Variants in DNAH8 observed in about 807,000 individuals in gnomAD.
DNAH8 encodes axonemal beta dynein heavy chain 8.
In DNAH8, 382 loss-of-function variants were observed where a neutral mutation model predicts 562.1. The ratio of observed to expected loss-of-function variants is 0.68; its 90% CI spans 0.63 to 0.74. The LOEUF (loss-of-function observed/expected upper bound fraction) is 0.74, where lower values mean the gene tolerates loss of function less well. Among genes scored for constraint, DNAH8 ranks in the 30% least tolerant of loss-of-function variants. The pLI is 0.00. For missense variants in DNAH8, 5,203 were observed against 5,620.4 expected, an observed-to-expected ratio of 0.93 and a Z score of 2.37; for synonymous variants, 1,881 against 1,919.4, an observed-to-expected ratio of 0.98 and a Z score of 0.52.
At chr6:38,969,196 G>T (rs1332899809) in intron 82 of DNAH8, among the ~76,000 whole-genome samples, 1 of 152,042 alleles carries the variant, frequency 6.6e-6, no homozygotes, top group African/African-American at 2.4e-5. Context: ...TGATAGTAGT[G>T]ATAGTTATGC....
rs547638716 is a variant in DNAH8 at position 38,962,206 on chromosome 6, A to G, written c.12452-9386A>G. On this transcript the variant is annotated intron_variant, in intron 82 of 92. Transcript: ENST00000327475. ...AGAGATTCAATGTTGTAAAGATGTC[A>G]ATATTTCCTAAATTAATCTATAAAT... Among the ~76,000 whole-genome samples the G allele has an allele frequency of 1.1e-4, 17 of 152,220 alleles. No homozygotes were observed. In the South Asian group the frequency reaches 3.1e-3, roughly 28 times the overall value.
rs113624987 is a variant in DNAH8 at position 39,012,386 on chromosome 6, A to G, written c.13524+19A>G. The G allele has an allele frequency of 5.0e-6, 8 of 1,609,072 alleles. 1 individual carries two copies. Among genetic ancestry groups the G allele is most frequent in the African/African-American group, 1.3e-5 (1 of 74,886 alleles). ...GAGTGAGGTGAGCTGTTATTACATC[A>G]GTAGGCATTTCCTTCTTTGTTGATG... is the stretch of plus-strand genomic sequence containing the variant. On this transcript the variant is annotated intron_variant, in intron 90 of 92. Coordinates refer to ENST00000327475, the MANE Select transcript of DNAH8 (RefSeq NM_001206927.2).
At chr6:39,016,554 A>G (rs1275202122) in intron 91 of DNAH8, among the ~76,000 whole-genome samples, 2 of 151,554 alleles carry the variant, frequency 1.3e-5, no homozygotes, top group South Asian at 4.2e-4. Flanking sequence ...CTGTCTCAAA[A>G]AAAAAAAAAA....
rs775392746 is a variant in DNAH8 at position 38,737,191 on chromosome 6, A to G, written c.887A>G (p.Lys296Arg). The G allele has an allele frequency of 4.5e-6, 7 of 1,540,926 alleles. No individual in the cohort carries two copies. The highest frequency in any genetic ancestry group is 2.1e-5 in the Admixed American group (1 of 47,968). ...AACTGGGGTGCTTTAAACCAGTCCA[A>G]GCAGGGAGAATCTGAAAAACATATT... ...TNNWGALNQS[K>R]QGESEKHIFT... Residue 296 changes from lysine to arginine, a missense_variant, in exon 6 of 93, where the codon AAG (lysine) becomes AGG (arginine). Lys to Arg is a conservative substitution (Grantham distance 26, BLOSUM62 2). Coordinates refer to ENST00000327475, the MANE Select transcript of DNAH8 (RefSeq NM_001206927.2).
rs765442782 is a variant in DNAH8, at chr6:38,853,237, T to G, written c.5623T>G (p.Leu1875Val). The G allele has an allele frequency of 3.1e-6, 5 of 1,613,258 alleles. No homozygotes were observed. In the African/African-American group the frequency reaches 6.7e-5, roughly 22 times the overall value. ...KGPVEIWLLD[L>V]LKMQMSSLHN... ...TCCTGTGGAGATTTGGCTACTGGAT[T>G]TGTTAAAAATGCAGATGTCATCATT... The change falls in exon 41 of 93, where the codon TTG (leucine) becomes GTG (valine). Residue 1875 changes from leucine (L) to valine (V), a missense_variant. Around this residue, in one of 6 missense-constraint regions of DNAH8, gnomAD observed 2,176 missense variants for 2,365.1 expected, o/e 0.92. Transcript: ENST00000327475.
chr6:38,883,866 TTC>T lies in DNAH8; in HGVS notation c.8137-4_8137-3del, dbSNP rs1467538722. On this transcript the variant is annotated splice_region_variant and splice_polypyrimidine_tract_variant and intron_variant, in intron 55 of 92. Transcript: ENST00000327475. Reference sequence around the variant, plus strand: ...CTAATGCATAAGACAAAACGTTTCCTTCTCTCTAGAGAACAATTGAAAGCTAC... The same window carrying T: ...CTAATGCATAAGACAAAACGTTTCCTTCTCTAGAGAACAATTGAAAGCTAC... 6.5e-7 allele frequency: 1 copy of T among 1,541,250 alleles called. No homozygotes were observed. The highest frequency in any genetic ancestry group is 8.7e-7 in the Non-Finnish European group (1 of 1,142,962).
intron 26 of DNAH8, among the ~76,000 whole-genome samples, chr6:38,820,863 A>G (rs527875946): frequency 1.1e-4 from 16 of 152,312 alleles, no homozygotes; most frequent in South Asian, 4.1e-4. Context: ...AACTTCTTCA[A>G]CCTTATAAAA....
chr6:38,905,860 T>C (rs189032233), intron 62 of DNAH8, among the ~76,000 whole-genome samples: 9 of 152,236 alleles, frequency 5.9e-5, no homozygotes, highest in Admixed American at 4.6e-4. Context: ...GCTATTATTA[T>C]GTTTTGGGAT....
intron 63 of DNAH8, among the ~76,000 whole-genome samples, chr6:38,907,398 A>G (rs1057396983): frequency 1.3e-5 from 2 of 152,236 alleles, no homozygotes; most frequent in Admixed American, 1.3e-4. Context: ...GAAGGAAAGC[A>G]GATAGATGTT....
At chr6:38,728,335 T>C (rs528780663) in intron 3 of DNAH8, among the ~76,000 whole-genome samples, 38 of 152,316 alleles carry the variant, frequency 2.5e-4, no homozygotes, top group African/African-American at 8.7e-4. Flanking sequence ...CTTTACCTAG[T>C]TGATACTCAG....
chr6:38,875,540 T>G lies in DNAH8; in HGVS notation c.7621-51T>G, dbSNP rs572384787. The stretch of plus-strand genomic sequence containing the variant: ...TAATTTTACTATTATTTACAATTTT[T>G]TATTTTCAAAATTTTAATTTAAAAA... On this transcript the variant is annotated intron_variant, in intron 52 of 92. Transcript: ENST00000327475. 359 of 1,129,642 alleles carry G rather than the reference T, an allele frequency of 3.2e-4. 1 individual carries two copies. In the African/African-American group the frequency reaches 5.1e-3, roughly 16 times the overall value. 70.0% of individuals were successfully genotyped at this position (1,129,642 alleles called of 1,614,324 possible). A position where few individuals can be genotyped will look rare whatever the true frequency, so the allele number is the denominator to read the frequency against.
chr6:38,934,584 T>C lies in DNAH8; in HGVS notation c.11458-1008T>C, dbSNP rs16891274. On this transcript the variant is annotated intron_variant, in intron 76 of 92. Coordinates refer to ENST00000327475, the MANE Select transcript of DNAH8 (RefSeq NM_001206927.2). ...TTAACGTAATTCTAAGTGCAGCATG[T>C]GATTCTGTATAAAATCAGAAGAAAA... is the stretch of plus-strand genomic sequence containing the variant. 9.2e-3 allele frequency among the ~76,000 whole-genome samples: 1,407 copies of C among 152,304 alleles called. 75 individuals carry two copies. In the East Asian group the frequency reaches 0.14, roughly 15 times the overall value.
At chr6:38,835,471 G>C (rs1031628552) in intron 32 of DNAH8, among the ~76,000 whole-genome samples, 3 of 152,218 alleles carry the variant, frequency 2.0e-5, no homozygotes, top group Non-Finnish European at 2.9e-5. Context: ...TGTGACCTAG[G>C]TATGTGAAAT....
intron 43 of DNAH8, 24 bp from the exon 44 acceptor site, chr6:38,862,256 G>T: frequency 6.2e-7 from 1 of 1,603,080 alleles, no homozygotes; most frequent in Non-Finnish European, 8.5e-7. Flanking sequence ...TACTCACAAT[G>T]CTTTATTGGA....
At chr6:39,003,889 C>G (rs914527871) in intron 88 of DNAH8, among the ~76,000 whole-genome samples, 10 of 152,010 alleles carry the variant, frequency 6.6e-5, no homozygotes, top group Admixed American at 6.5e-4. Context: ...GACAAATATA[C>G]AATGTTGCTT....
chr6:38,765,851 G>A (rs1041646659), intron 11 of DNAH8, among the ~76,000 whole-genome samples: 1 of 152,250 alleles, frequency 6.6e-6, no homozygotes, highest in South Asian at 2.1e-4. Flanking sequence ...GTGAGGATGT[G>A]CATGCTCTTG....
intron 11 of DNAH8, among the ~76,000 whole-genome samples, chr6:38,769,398 A>G (rs11961565): frequency 0.054 from 8,274 of 152,196 alleles, 703 homozygotes; most frequent in African/African-American, 0.18. Flanking sequence ...TTTTTGTTGA[A>G]TGAGTGAAAA....
intron 36 of DNAH8, among the ~76,000 whole-genome samples, chr6:38,847,728 C>A (rs1383860529): frequency 2.0e-5 from 3 of 152,156 alleles, no homozygotes; most frequent in Non-Finnish European, 4.4e-5. Context: ...GTCACTGCAC[C>A]ACATTGAAAC....
chr6:38,822,809 A>ATTTATAGTG (rs1462408790), intron 26 of DNAH8, 29 bp from the exon 27 acceptor site: 1 of 1,463,088 alleles, frequency 6.8e-7, no homozygotes. Context: ...TATAGAAGTT[A>ATTTATAGTG]TTTATAGTGT....
Sources: allele counts gnomAD v4.1 joint callset (sites outside exome capture counted in the v4.1 genomes callset), GRCh38; gene constraint gnomAD v4.1.1; regional missense constraint gnomAD v4.1.1; transcripts MANE v1.5; gene names NCBI Gene and HGNC (gene_info 2026-07-23, HGNC 2026-07-21).